The following CACNG3 variants were observed in gnomAD, a reference collection of about 807,000 sequenced individuals.
CACNG3 encodes voltage-dependent calcium channel gamma-3 subunit.
In CACNG3, 3 loss-of-function variants were observed where a neutral mutation model predicts 28.5. The ratio of observed to expected loss-of-function variants is 0.11; its 90% CI spans 0.05 to 0.27. The LOEUF is 0.27. Ranked by LOEUF, CACNG3 falls within the 10% of genes least tolerant of loss-of-function variation. CACNG3 has a pLI of 1.00. For synonymous variants in CACNG3, 174 were observed against 162.2 expected (o/e 1.07, Z -0.55); for missense variants, 236 against 414.4 (o/e 0.57, Z 3.74).
intron 1 of CACNG3, among the ~76,000 whole-genome samples, chr16:24,330,133 T>C (rs1899611984): frequency 6.6e-6 from 1 of 152,214 alleles, no homozygotes; most frequent in African/African-American, 2.4e-5. Context: ...TCACATCTGC[T>C]GGAGCATCCC....
intron 1 of CACNG3, among the ~76,000 whole-genome samples, chr16:24,297,523 C>T (rs139787560): frequency 1.2e-4 from 18 of 152,254 alleles, no homozygotes; most frequent in African/African-American, 3.9e-4. Context: ...CATCTACCCG[C>T]CCACCCACTC....
In CACNG3 at chr16:24,362,047, C is replaced by CT; in HGVS notation, c.*185dup. The CT allele has an allele frequency of 3.6e-6, 2 of 553,976 alleles. No homozygotes were observed. The highest frequency in any genetic ancestry group is 6.2e-6 in the Non-Finnish European group (2 of 321,654). The allele number at this position is 553,976 out of a possible 1,614,324, so 34.3% of individuals were successfully genotyped here. On this transcript the variant is annotated 3_prime_UTR_variant, in exon 4 of 4. Coordinates refer to ENST00000005284, the MANE Select transcript of CACNG3 (RefSeq NM_006539.4). The stretch of plus-strand genomic sequence containing the variant: ...CCAAGTCCTAACCCCTCCATCCTCT[C>CT]TAACTTTTCAAGCCAATCCCTTAAT...
At position 24,297,511 on chromosome 16, in the gene CACNG3, T is replaced by C. The variant is rs143882384; in HGVS notation, c.211+40546T>C. Among the ~76,000 whole-genome samples the C allele has an allele frequency of 2.7e-4, 41 of 152,228 alleles. 2 individuals are homozygous for C. Among genetic ancestry groups the C allele is most frequent in the Non-Finnish European group, 5.4e-4 (37 of 67,988 alleles). On this transcript the variant is annotated intron_variant, in intron 1 of 3. Transcript: ENST00000005284. Reference sequence around the variant, plus strand: ...GACTTAGAACAAGCTGAACAGAGGATGCATCTACCCGCCCACCCACTCACT... The same window carrying C: ...GACTTAGAACAAGCTGAACAGAGGACGCATCTACCCGCCCACCCACTCACT...
intron 1 of CACNG3, among the ~76,000 whole-genome samples, chr16:24,269,863 G>GTT (rs541288605): frequency 6.9e-6 from 1 of 144,180 alleles, no homozygotes; most frequent in African/African-American, 2.5e-5. Flanking sequence ...TTCATTTGTT[G>GTT]TTTTTTTTTT....
intron 1 of CACNG3, among the ~76,000 whole-genome samples, chr16:24,257,477 T>C (rs1898481452): frequency 6.6e-6 from 1 of 150,772 alleles, no homozygotes; most frequent in African/African-American, 2.4e-5. Flanking sequence ...TTTCTCAACA[T>C]AGACTTATCA....
At position 24,362,404 on chromosome 16, in the gene CACNG3, C is replaced by T. The variant is rs957824158; in HGVS notation, c.*541C>T. The T allele has an allele frequency of 6.5e-6, 1 of 152,884 alleles. No homozygotes were observed. Among genetic ancestry groups the T allele is most frequent in the Middle Eastern group, 3.4e-3 (1 of 294 alleles). 9.5% of individuals were successfully genotyped at this position (152,884 alleles called of 1,614,324 possible). A position where few individuals can be genotyped will look rare whatever the true frequency, so the allele number is the denominator to read the frequency against. On this transcript the variant is annotated 3_prime_UTR_variant, in exon 4 of 4. Coordinates refer to ENST00000005284, the MANE Select transcript of CACNG3 (RefSeq NM_006539.4). ...CATGTTATTAAAGGTTTTGCCTTGT[C>T]GTAACCAACCGAGCCGGGGGTGTTT...
At chr16:24,332,929 C>T (rs565515998) in intron 1 of CACNG3, among the ~76,000 whole-genome samples, 57 of 152,146 alleles carry the variant, frequency 3.7e-4, no homozygotes, top group Non-Finnish European at 6.5e-4. Context: ...GTGTTAACCA[C>T]GGGTAGACAA....
At chr16:24,335,285 T>TGGC (rs1301278304) in intron 1 of CACNG3, among the ~76,000 whole-genome samples, 2 of 152,058 alleles carry the variant, frequency 1.3e-5, no homozygotes, top group African/African-American at 4.8e-5. Context: ...CTGGGCGTGG[T>TGGC]GGCGGGCACC....
At chr16:24,292,055 G>A (rs762827619) in intron 1 of CACNG3, among the ~76,000 whole-genome samples, 8 of 152,102 alleles carry the variant, frequency 5.3e-5, no homozygotes, top group Admixed American at 1.3e-4. Flanking sequence ...AGGTAAGAAC[G>A]TTAGGGTAAC....
chr16:24,257,008 T>G, intron 1 of CACNG3, 43 bp downstream of exon 1: 2 of 1,228,644 alleles, frequency 1.6e-6, no homozygotes, highest in Non-Finnish European at 2.4e-6. Flanking sequence ...AATCCAGTTC[T>G]GATATTCTGG....
chr16:24,288,373 G>T (rs765859731), intron 1 of CACNG3, among the ~76,000 whole-genome samples: 40 of 152,158 alleles, frequency 2.6e-4, no homozygotes, highest in Admixed American at 1.3e-4. Flanking sequence ...GTCCCAAAAG[G>T]TTACAAGGGC....
At chr16:24,347,693 A>G (rs77622488) in intron 2 of CACNG3, among the ~76,000 whole-genome samples, 8,449 of 152,290 alleles carry the variant, frequency 0.055, 408 homozygotes, top group African/African-American at 0.13. Context: ...GGATTTTTCC[A>G]AAGTCAGTAA....
intron 1 of CACNG3, among the ~76,000 whole-genome samples, chr16:24,310,116 G>A (rs13331584): frequency 0.17 from 26,078 of 152,122 alleles, 2,578 homozygotes; most frequent in African/African-American, 0.27. Flanking sequence ...GATGGCTTGG[G>A]CCAGCATGAG....
At position 24,361,255 on chromosome 16, in the gene CACNG3, C is replaced by T; in HGVS notation, c.437-97C>T. 1 of 977,634 alleles carries T rather than the reference C, an allele frequency of 1.0e-6. No individual in the cohort carries two copies. Among genetic ancestry groups the T allele is most frequent in the Non-Finnish European group, 1.5e-6 (1 of 645,244 alleles). The allele number at this position is 977,634 out of a possible 1,614,324, so 60.6% of individuals were successfully genotyped here. On this transcript the variant is annotated intron_variant, in intron 3 of 3. Coordinates refer to ENST00000005284, the MANE Select transcript of CACNG3 (RefSeq NM_006539.4). The surrounding 1 kb of genome is among the most constrained non-coding windows in gnomAD (Gnocchi z 6.8). ...GCTATAATCCATTCTCCTCTCTCCC[C>T]ATTACCTCCACATTTTCTATAAATA...
chr16:24,260,361 A>G (rs1452391450), intron 1 of CACNG3, among the ~76,000 whole-genome samples: 1 of 152,220 alleles, frequency 6.6e-6, no homozygotes, highest in Admixed American at 6.5e-5. Flanking sequence ...AGCACTTACT[A>G]TGTGCTCAGG....
intron 1 of CACNG3, among the ~76,000 whole-genome samples, chr16:24,288,874 C>A (rs1260920027): frequency 2.0e-5 from 3 of 149,628 alleles, no homozygotes; most frequent in Non-Finnish European, 4.5e-5. Context: ...GACACATAAA[C>A]ACACACACAC....
Position 24,346,742 on chromosome 16 carries a change from C to T in CACNG3, c.220C>T (p.Arg74Ter). Residue 74 changes from arginine to a stop codon, truncating the protein, a stop_gained, in exon 2 of 4, where the codon CGA becomes TGA. Coordinates refer to ENST00000005284, the MANE Select transcript of CACNG3 (RefSeq NM_006539.4). LOFTEE classifies it high-confidence loss of function. ...CTTATCTGTTTCCACAGGGGCTTTC[C>T]GAGGCGTGTGCAAGAAAATCGATCA... is the stretch of plus-strand genomic sequence containing the variant. ...WRTCCLEGAF[R>*]GVCKKIDHFP... is the part of the protein sequence containing the mutation. 6.2e-7 allele frequency: 1 copy of T among 1,613,668 alleles called. No homozygotes were observed. The highest frequency in any genetic ancestry group is 1.1e-5 in the South Asian group (1 of 91,062).
chr16:24,333,792 T>C (rs1271807217), intron 1 of CACNG3, among the ~76,000 whole-genome samples: 1 of 152,110 alleles, frequency 6.6e-6, no homozygotes, highest in East Asian at 1.9e-4. Flanking sequence ...CAGTGAGCTA[T>C]GATTGTGCCA....
rs117952816 is a variant in CACNG3, at chr16:24,301,480, C to T, written c.211+44515C>T. On this transcript the variant is annotated intron_variant, in intron 1 of 3. Coordinates refer to ENST00000005284, the MANE Select transcript of CACNG3 (RefSeq NM_006539.4). ...AGTCAACTTGTCTATGAGGCGTATG[C>T]GGTGTTGGGAGAAGTGTGGTATCCT... 5.3e-3 allele frequency among the ~76,000 whole-genome samples: 812 copies of T among 152,220 alleles called. 6 individuals carry two copies. Among genetic ancestry groups the T allele is most frequent in the Non-Finnish European group, 7.9e-3 (538 of 68,010 alleles).
Sources: gnomAD v4.1 joint callset for allele counts (sites outside exome capture counted in the v4.1 genomes callset) on GRCh38, gnomAD v4.1.1 for gene constraint, Gnocchi (gnomAD v3.1) non-coding constraint, MANE v1.5 for transcripts, NCBI Gene and HGNC (gene_info 2026-07-23, HGNC 2026-07-21) for gene names.